Variants in MILR1 observed in about 807,000 individuals in gnomAD.
The protein encoded by MILR1 is allergin-1.
In MILR1, 31 loss-of-function variants were observed where a neutral mutation model predicts 18.5. That is an observed-to-expected ratio of 1.68 (90% CI 1.26 to 2.26). The LOEUF (loss-of-function observed/expected upper bound fraction) is 2.26, where lower values mean the gene tolerates loss of function less well. Ranked by LOEUF, MILR1 falls within the 30% of genes most tolerant of loss-of-function variation. The probability of loss-of-function intolerance (pLI) is 0.00; values close to 1 mark genes in which losing one functional copy is unlikely to be tolerated. For missense variants in MILR1, 257 were observed against 157.4 expected, an observed-to-expected ratio of 1.63 and a Z score of -3.38; for synonymous variants, 85 against 56.2, an observed-to-expected ratio of 1.51 and a Z score of -2.30.
the MILR1 span, chr17:64,491,719 G>C: frequency 2.2e-6 from 2 of 901,998 alleles, no homozygotes; most frequent in East Asian, 5.4e-5. Context: ...GTGCTGGCAG[G>C]GTACATGCTC....
At chr17:64,496,679 G>A in the MILR1 span, 53 of 1,613,858 alleles carry the variant, frequency 3.3e-5, no homozygotes, top group Non-Finnish European at 3.6e-5. Context: ...TCCGAAGCCG[G>A]GGTGGCACCC....
At position 64,465,689 on chromosome 17, in the gene MILR1, A is replaced by G. The variant is rs58309119; in HGVS notation, c.853+148A>G. 8,193 of 717,628 alleles carry G rather than the reference A, an allele frequency of 0.011. 517 individuals are homozygous for G. In the African/African-American group the frequency reaches 0.13, roughly 12 times the overall value. The allele number at this position is 717,628 out of a possible 1,614,324, so 44.5% of individuals were successfully genotyped here. ...ATGCCCAGTCCCACTTTCTAGGGGTAATAACCAGTTTTTTAAATCCTTCCA... is the reference window on the plus strand; with the variant it reads ...ATGCCCAGTCCCACTTTCTAGGGGTGATAACCAGTTTTTTAAATCCTTCCA... On this transcript the variant is annotated intron_variant, in intron 6 of 9. Transcript: ENST00000619286.
chr17:64,450,983 C>T (rs1429678229), intron 2 of MILR1, among the ~76,000 whole-genome samples: 2 of 152,154 alleles, frequency 1.3e-5, no homozygotes, highest in African/African-American at 4.8e-5. Flanking sequence ...ATTGCAAGGT[C>T]ATAGGGCATA....
downstream of MILR1, among the ~76,000 whole-genome samples, chr17:64,469,008 A>G (rs576868315): frequency 6.6e-6 from 1 of 152,042 alleles, no homozygotes. Context: ...AATCGCTTAA[A>G]TCTGGTAGGC....
the MILR1 span, among the ~76,000 whole-genome samples, chr17:64,494,171 A>T: frequency 6.6e-6 from 1 of 152,184 alleles, no homozygotes; most frequent in Non-Finnish European, 1.5e-5. Context: ...GCTATTAATG[A>T]CACTGACTTT....
the MILR1 span, chr17:64,478,003 G>A: frequency 6.2e-7 from 1 of 1,612,352 alleles, no homozygotes; most frequent in Non-Finnish European, 8.5e-7. Context: ...GAAAAAAGTA[G>A]TTAAACAGAC....
Position 64,452,781 on chromosome 17 carries a change from AGCCCATGAATCAG to A in MILR1, c.287_299del (p.His96ProfsTer26), listed in dbSNP as rs1598088979. ...CGATTTTTAACCTAAGCATCACAGAAGCCCATGAATCAGGCCCCTACAAATGCAAAGCCCAAGT... is the reference window on the plus strand; with the variant it reads ...CGATTTTTAACCTAAGCATCACAGAAGCCCCTACAAATGCAAAGCCCAAGT... On this transcript the variant is annotated frameshift_variant, in exon 3 of 10. Coordinates refer to ENST00000619286, the MANE Select transcript of MILR1 (RefSeq NM_001085423.2). LOFTEE classifies it high-confidence loss of function. 1.0e-4 allele frequency: 48 copies of A among 475,350 alleles called. No individual in the cohort carries two copies. In the East Asian group the frequency reaches 1.5e-3, roughly 15 times the overall value. 29.4% of individuals were successfully genotyped at this position (475,350 alleles called of 1,614,324 possible). A position where few individuals can be genotyped will look rare whatever the true frequency, so the allele number is the denominator to read the frequency against.
Position 64,454,390 on chromosome 17 carries a change from C to A in MILR1, c.367+1524C>A, listed in dbSNP as rs913797741. Among the ~76,000 whole-genome samples the A allele has an allele frequency of 6.7e-3, 1,027 of 152,286 alleles. 10 individuals are homozygous for A. The highest frequency in any genetic ancestry group is 0.024 in the African/African-American group (980 of 41,564). ...TACAAGCACGTGCCATAATTAAAAT[C>A]AAGTCAATTAAAATTAGATGAAATA... On this transcript the variant is annotated intron_variant, in intron 3 of 9. Transcript: ENST00000619286.
rs1257178693 is a variant in MILR1, at chr17:64,453,258, G to A, written c.367+392G>A. Among the ~76,000 whole-genome samples the A allele has an allele frequency of 2.0e-5, 3 of 151,480 alleles. No individual in the cohort carries two copies. The East Asian group carries it at 5.8e-4, about 29-fold the overall frequency. On this transcript the variant is annotated intron_variant, in intron 3 of 9. Coordinates refer to ENST00000619286, the MANE Select transcript of MILR1 (RefSeq NM_001085423.2). ...TAATTTTTGTATTTTTACTTGAGAC[G>A]AGGTTTCACCATGTTGGTCAGGCTG...
the MILR1 span, among the ~76,000 whole-genome samples, chr17:64,477,079 C>A: frequency 6.6e-6 from 1 of 152,142 alleles, no homozygotes; most frequent in Non-Finnish European, 1.5e-5. Context: ...TTTCAAAAAT[C>A]CGTAAATACT....
At chr17:64,491,601 T>A in the MILR1 span, 1 of 1,543,760 alleles carries the variant, frequency 6.5e-7, no homozygotes, top group South Asian at 1.1e-5. Flanking sequence ...GATCTTGATG[T>A]GGGACTTCAG....
chr17:64,495,040 G>A, the MILR1 span, among the ~76,000 whole-genome samples: 3 of 152,060 alleles, frequency 2.0e-5, no homozygotes, highest in African/African-American at 7.2e-5. Flanking sequence ...AGGCGTGGTG[G>A]CAAGTGCCTG....
chr17:64,490,593 T>C, the MILR1 span: 1 of 582,186 alleles, frequency 1.7e-6, no homozygotes, highest in East Asian at 3.0e-5. Flanking sequence ...GTTCAATTTG[T>C]AGGGCTCTGT....
the MILR1 span, among the ~76,000 whole-genome samples, chr17:64,489,331 C>A: frequency 7.1e-6 from 1 of 140,960 alleles, no homozygotes; most frequent in African/African-American, 2.7e-5. Context: ...ACCAGTAAAT[C>A]TAGAAGGAAT....
At chr17:64,457,755 A>G in intron 4 of MILR1, 71 bp downstream of exon 4, 3 of 464,376 alleles carry the variant, frequency 6.5e-6, no homozygotes, top group Non-Finnish European at 1.2e-5. Flanking sequence ...TCCTCTGCCC[A>G]CCCATTTCCC....
chr17:64,461,580 G>A (rs1274629729), intron 5 of MILR1, among the ~76,000 whole-genome samples: 1 of 151,952 alleles, frequency 6.6e-6, no homozygotes, highest in East Asian at 1.9e-4. Flanking sequence ...TTTTTTGTAC[G>A]CTCTTTTAAA....
rs1279903133 is a variant in MILR1 at position 64,459,932 on chromosome 17, C to G, written c.653-890C>G. ...GCTGCTTTTCTCTTCTTTGGGTGGC[C>G]CCTGTGGAAGATGTGCTTGGTCATG... On this transcript the variant is annotated intron_variant, in intron 4 of 9. Transcript: ENST00000619286. Among the ~76,000 whole-genome samples, 7 of 151,184 alleles carry G rather than the reference C, an allele frequency of 4.6e-5. 1 individual carries two copies. The highest frequency in any genetic ancestry group is 2.0e-4 in the Admixed American group (3 of 15,180).
the MILR1 span, among the ~76,000 whole-genome samples, chr17:64,486,305 T>C: frequency 6.6e-6 from 1 of 152,006 alleles, no homozygotes; most frequent in Non-Finnish European, 1.5e-5. Context: ...TCAATAGCCC[T>C]ACAGACTATT....
chr17:64,455,873 G>A lies in MILR1; in HGVS notation c.368-1527G>A, dbSNP rs1360256921. ...TGGCCAACATGGTGAAACCCTGTCT[G>A]TACTAAAAATACAAAAATTAGCTAG... On this transcript the variant is annotated intron_variant, in intron 3 of 9. Transcript: ENST00000619286. Among the ~76,000 whole-genome samples the A allele has an allele frequency of 4.0e-5, 6 of 151,722 alleles. No individual in the cohort carries two copies. The East Asian group carries it at 9.9e-4, about 25-fold the overall frequency.
Sources: gnomAD v4.1 joint callset for allele counts (sites outside exome capture counted in the v4.1 genomes callset) on GRCh38, gnomAD v4.1.1 for gene constraint, MANE v1.5 for transcripts, NCBI Gene and HGNC (gene_info 2026-07-23, HGNC 2026-07-21) for gene names.